Variants in NMUR2 observed in about 807,000 individuals in gnomAD.
NMUR2 encodes the protein neuromedin U receptor 2.
NMUR2 carries 24 observed loss-of-function variants against 25.1 expected under a neutral mutation model. The ratio of observed to expected loss-of-function variants is 0.96; its 90% CI spans 0.69 to 1.34. The LOEUF (loss-of-function observed/expected upper bound fraction) is 1.34, where lower values mean the gene tolerates loss of function less well. Among genes scored for constraint, NMUR2 ranks in the 40% most tolerant of loss-of-function variants. The pLI is 0.00. For synonymous variants in NMUR2, 218 were observed against 208.1 expected (o/e 1.05, Z -0.41); for missense variants, 533 against 512.8 (o/e 1.04, Z -0.38).
Position 152,393,383 on chromosome 5 carries a change from G to T in NMUR2, c.938-882C>A, listed in dbSNP as rs1753095592. On this transcript the variant is annotated intron_variant, in intron 3 of 3. Coordinates refer to ENST00000255262, the MANE Select transcript of NMUR2 (RefSeq NM_020167.5). ...CAAGTGATGGGTAATATTGCCAAAA[G>T]GTTCCTTGTTGTCCTTATTTATGTG... is the stretch of plus-strand genomic sequence containing the variant. 3.3e-5 allele frequency among the ~76,000 whole-genome samples: 5 copies of T among 152,196 alleles called. No individual in the cohort carries two copies. In the South Asian group the frequency reaches 1.0e-3, roughly 32 times the overall value.
Position 152,401,374 on chromosome 5 carries a change from C to T in NMUR2, c.726+3014G>A, listed in dbSNP as rs576242078. ...AAGAGCAAAGTGAAAGGGAGGTTCG[C>T]GAGGTTATTATTCAGGTTGATACAT... On this transcript the variant is annotated intron_variant, in intron 1 of 3. Transcript: ENST00000255262. 1.7e-3 allele frequency among the ~76,000 whole-genome samples: 257 copies of T among 152,142 alleles called. 1 individual carries two copies. Among genetic ancestry groups the T allele is most frequent in the African/African-American group, 5.8e-3 (242 of 41,502 alleles).
chr5:152,393,769 G>A (rs1465805513), intron 3 of NMUR2, among the ~76,000 whole-genome samples: 1 of 152,088 alleles, frequency 6.6e-6, no homozygotes, highest in East Asian at 1.9e-4. Flanking sequence ...TTAGTGGGGG[G>A]TGATTGAACT....
intron 3 of NMUR2, 115 bp from the exon 4 acceptor site, chr5:152,392,616 A>G (rs1434926728): frequency 2.7e-6 from 2 of 754,218 alleles, no homozygotes; most frequent in Admixed American, 2.7e-5. Flanking sequence ...CTCTTTTATA[A>G]GTGATAATAC....
In NMUR2 at chr5:152,403,113, A is replaced by C. The variant is rs567901915; in HGVS notation, c.726+1275T>G. 7.7e-4 allele frequency among the ~76,000 whole-genome samples: 117 copies of C among 152,328 alleles called. 1 individual carries two copies. Among genetic ancestry groups the C allele is most frequent in the African/African-American group, 2.6e-3 (110 of 41,572 alleles). ...GATATCTGTTTGTCCTGTCATTTAA[A>C]ACTCACATTACTTCAGCTCACAGGT... On this transcript the variant is annotated intron_variant, in intron 1 of 3. Transcript: ENST00000255262.
At chr5:152,397,582 T>G (rs12515432) in intron 2 of NMUR2, among the ~76,000 whole-genome samples, 1 of 144,720 alleles carries the variant, frequency 6.9e-6, no homozygotes, top group African/African-American at 2.5e-5. Flanking sequence ...CTTTTGTGTA[T>G]GCATATTTGT....
chr5:152,403,293 T>C (rs575144502), intron 1 of NMUR2, among the ~76,000 whole-genome samples: 2 of 152,324 alleles, frequency 1.3e-5, no homozygotes, highest in African/African-American at 4.8e-5. Flanking sequence ...CAGCTGTAGA[T>C]CTGGGAGTCT....
Position 152,405,170 on chromosome 5 carries a change from G to GAAAAAAAAAAAAAAAAAAAAAAAAAAAA in NMUR2, c.-58_-57insTTTTTTTTTTTTTTTTTTTTTTTTTTTT. On this transcript the variant is annotated 5_prime_UTR_variant, in exon 1 of 4. Transcript: ENST00000255262. Reference sequence around the variant, plus strand: ...GAGGCTCTGTTTCAAGCTGAGCCAGGAAAAAAAAAAAAAAAAGAAAAAAGG... The same window carrying GAAAAAAAAAAAAAAAAAAAAAAAAAAAA: ...GAGGCTCTGTTTCAAGCTGAGCCAGGAAAAAAAAAAAAAAAAAAAAAAAAAAAAAAAAAAAAAAAAAAAAGAAAAAAGG... 8.7e-7 allele frequency: 1 copy of GAAAAAAAAAAAAAAAAAAAAAAAAAAAA among 1,155,654 alleles called. No individual in the cohort carries two copies. Among genetic ancestry groups the GAAAAAAAAAAAAAAAAAAAAAAAAAAAA allele is most frequent in the Non-Finnish European group, 1.1e-6 (1 of 877,454 alleles). The allele number at this position is 1,155,654 out of a possible 1,614,324, so 71.6% of individuals were successfully genotyped here.
rs1035931062 is a variant in NMUR2, at chr5:152,398,080, T to A, written c.791A>T (p.Lys264Ile). Residue 264 changes from lysine to isoleucine, a missense_variant, in exon 2 of 4, where the codon AAA becomes ATA. By Grantham distance (102) the Lys-to-Ile change is moderately radical. Transcript: ENST00000255262. The stretch of plus-strand genomic sequence containing the variant: ...CTTACACAGCATCTTGTTGACTGAT[T>A]TTCTGCAGGGTCTTTGAATATTTGC... ...GNANIQRPCR[K>I]SVNKMLFVLV... 1.2e-6 allele frequency: 2 copies of A among 1,613,354 alleles called. No homozygotes were observed. The highest frequency in any genetic ancestry group is 4.5e-5 in the East Asian group (2 of 44,852).
intron 1 of NMUR2, among the ~76,000 whole-genome samples, chr5:152,399,313 A>G (rs1171675360): frequency 6.6e-6 from 1 of 152,082 alleles, no homozygotes; most frequent in Admixed American, 6.5e-5. Context: ...CTCCTTCCCC[A>G]TTCTTAGTCT....
intron 2 of NMUR2, among the ~76,000 whole-genome samples, chr5:152,397,460 A>C (rs1428550590): frequency 6.6e-6 from 1 of 152,188 alleles, no homozygotes; most frequent in Admixed American, 6.5e-5. Flanking sequence ...TCATATGTGA[A>C]ATGGCTACTT....
chr5:152,397,661 C>T (rs1037555685), intron 2 of NMUR2, among the ~76,000 whole-genome samples: 1 of 149,780 alleles, frequency 6.7e-6, no homozygotes, highest in African/African-American at 2.5e-5. Flanking sequence ...ATCCATAATA[C>T]AAATAGGTTA....
chr5:152,404,052 A>T (rs1753303850), intron 1 of NMUR2, among the ~76,000 whole-genome samples: 1 of 152,182 alleles, frequency 6.6e-6, no homozygotes, highest in Non-Finnish European at 1.5e-5. Flanking sequence ...TCCACCTCAG[A>T]CCTTCTGAAT....
chr5:152,404,741 G>GGGCC lies in NMUR2; in HGVS notation c.369_372dup (p.Leu125GlyfsTer4). ...GAGGCGAAGCACACGGTCTCAAAGA[G>GGGCC]GGCCGTCTTGAAGTAGCAGCCCACG... On this transcript the variant is annotated frameshift_variant, in exon 1 of 4. Transcript: ENST00000255262. LOFTEE classifies it high-confidence loss of function. 1 of 1,614,156 alleles carries GGGCC rather than the reference G, an allele frequency of 6.2e-7. No individual in the cohort carries two copies. The highest frequency in any genetic ancestry group is 8.5e-7 in the Non-Finnish European group (1 of 1,180,040).
chr5:152,397,743 A>G (rs72791442), intron 2 of NMUR2, among the ~76,000 whole-genome samples: 21,761 of 152,188 alleles, frequency 0.14, 2,065 homozygotes, highest in Admixed American at 0.24. Flanking sequence ...TTTACCAAGC[A>G]CCACACAGAG....
At chr5:152,397,727 A>G (rs190895814) in intron 2 of NMUR2, among the ~76,000 whole-genome samples, 130 of 152,294 alleles carry the variant, frequency 8.5e-4, no homozygotes, top group Non-Finnish European at 1.4e-3. Context: ...GAGAAAGTGA[A>G]TGTAATTTAC....
At chr5:152,394,090 T>C (rs1260633679) in intron 3 of NMUR2, among the ~76,000 whole-genome samples, 2 of 152,148 alleles carry the variant, frequency 1.3e-5, no homozygotes, top group Non-Finnish European at 2.9e-5. Context: ...ATTGAGGCTA[T>C]AACTTGAAAA....
intron 1 of NMUR2, 84 bp from the exon 2 acceptor site, chr5:152,398,228 G>A (rs958955): frequency 0.17 from 155,439 of 921,400 alleles, 15,401 homozygotes; most frequent in Admixed American, 0.31. Context: ...TAACTCAAAC[G>A]CTCATTTTGA....
rs1249864448 is a variant in NMUR2, at chr5:152,404,909, C to T, written c.205G>A (p.Val69Met). 1 of 1,613,846 alleles carries T rather than the reference C, an allele frequency of 6.2e-7. No individual in the cohort carries two copies. Among genetic ancestry groups the T allele is most frequent in the Non-Finnish European group, 8.5e-7 (1 of 1,179,996 alleles). ...TTCATAGCCTGGTGCTGCAGAATCA[C>T]CAGGCACACCAGGACATTGCCAATG... ...GVIGNVLVCL[V>M]ILQHQAMKTP... The change falls in exon 1 of 4, where the codon GTG (valine) becomes ATG (methionine). Residue 69 changes from valine to methionine, a missense_variant. Transcript: ENST00000255262.
At chr5:152,396,751 G>A (rs1451271738) in intron 2 of NMUR2, among the ~76,000 whole-genome samples, 1 of 151,980 alleles carries the variant, frequency 6.6e-6, no homozygotes, top group Non-Finnish European at 1.5e-5. Flanking sequence ...AATCAGCCAG[G>A]TGTGGTTGCA....
Sources: gnomAD v4.1 joint callset for allele counts (sites outside exome capture counted in the v4.1 genomes callset) on GRCh38, gnomAD v4.1.1 for gene constraint, MANE v1.5 for transcripts, NCBI Gene and HGNC (gene_info 2026-07-23, HGNC 2026-07-21) for gene names.